The following LRP1B variants were observed in gnomAD, a reference collection of about 807,000 sequenced individuals.
The protein encoded by LRP1B is low-density lipoprotein receptor-related protein 1B.
A neutral mutation model predicts 556.6 loss-of-function variants in LRP1B; 217 were observed. The observed-to-expected ratio is 0.39, with a 90% confidence interval of 0.35 to 0.44. The LOEUF (loss-of-function observed/expected upper bound fraction) is 0.44, where lower values mean the gene tolerates loss of function less well. Among genes scored for constraint, LRP1B ranks in the 20% least tolerant of loss-of-function variants. The pLI, the probability that LRP1B is intolerant of heterozygous loss-of-function variation, is 1.00. For missense variants in LRP1B, 5,053 were observed against 5,620.8 expected (o/e 0.90, Z 3.23); for synonymous variants, 2,047 against 1,865.8 (o/e 1.10, Z -2.50).
At chr2:141,668,109 C>T (rs1690513362) in intron 2 of LRP1B, among the ~76,000 whole-genome samples, 2 of 152,192 alleles carry the variant, frequency 1.3e-5, no homozygotes, top group South Asian at 4.1e-4. Context: ...ATGGAAAAGA[C>T]AACTTAGCTC....
chr2:141,649,739 A>G (rs948170863), intron 2 of LRP1B, among the ~76,000 whole-genome samples: 3 of 152,204 alleles, frequency 2.0e-5, no homozygotes, highest in Non-Finnish European at 4.4e-5. Flanking sequence ...ACTTTTAAAA[A>G]TGATACCCTA....
At chr2:140,716,192 T>C (rs1422047615) in intron 36 of LRP1B, 90 bp from the exon 37 acceptor site, 2 of 938,120 alleles carry the variant, frequency 2.1e-6, no homozygotes, top group Admixed American at 2.4e-5. Flanking sequence ...AGCATTCACA[T>C]AACTATCAAG....
intron 2 of LRP1B, among the ~76,000 whole-genome samples, chr2:141,512,249 G>A (rs1288947294): frequency 2.0e-5 from 3 of 151,992 alleles, no homozygotes; most frequent in Non-Finnish European, 4.4e-5. Flanking sequence ...ACAACAGTTC[G>A]GGGGAGGTGA....
Position 140,234,813 on chromosome 2 carries a change from A to T in LRP1B, c.13632T>A (p.Ser4544=). The T allele has an allele frequency of 1.3e-6, 1 of 775,558 alleles. No homozygotes were observed. Among genetic ancestry groups the T allele is most frequent in the Non-Finnish European group, 2.4e-6 (1 of 414,732 alleles). The allele number at this position is 775,558 out of a possible 1,614,324, so 48.0% of individuals were successfully genotyped here. The part of the protein sequence containing the change: ...PHTAPPIYLN[S]DLKGPLTAGP... The stretch of plus-strand genomic sequence containing the variant: ...CAGCAGTTAGTGGTCCTTTCAAATC[A>T]GAGTTTAGGTAGATGGGCGGCGCTG... Residue 4544 remains serine (S), a synonymous_variant, in exon 90 of 91, where the codon TCT becomes TCA. Transcript: ENST00000389484.
At chr2:140,453,220 A>C (rs1686954602) in intron 62 of LRP1B, among the ~76,000 whole-genome samples, 1 of 151,906 alleles carries the variant, frequency 6.6e-6, no homozygotes, top group African/African-American at 2.4e-5. Context: ...GAACTGTTGG[A>C]ATTATATATG....
At chr2:141,352,836 T>A (rs1015615377) in intron 3 of LRP1B, among the ~76,000 whole-genome samples, 1 of 151,982 alleles carries the variant, frequency 6.6e-6, no homozygotes, top group African/African-American at 2.4e-5. Flanking sequence ...AACCACAATG[T>A]CTGATGCAGT....
intron 6 of LRP1B, among the ~76,000 whole-genome samples, chr2:141,210,380 C>G (rs1434976162): frequency 9.3e-6 from 1 of 107,640 alleles, no homozygotes. Context: ...AATTATTAGG[C>G]TACTTGCCAC....
intron 2 of LRP1B, among the ~76,000 whole-genome samples, chr2:141,587,063 C>T (rs1346259883): frequency 6.6e-6 from 1 of 151,800 alleles, no homozygotes; most frequent in East Asian, 1.9e-4. Context: ...ACTGACTCTG[C>T]AACATACACC....
chr2:141,965,317 T>G, intron 1 of LRP1B, among the ~76,000 whole-genome samples: 1 of 25,218 alleles, frequency 4.0e-5, no homozygotes, highest in Non-Finnish European at 7.6e-5. Context: ...TGCGGCATTA[T>G]TCACAATAGC....
At chr2:141,792,784 C>G (rs1695661487) in intron 2 of LRP1B, among the ~76,000 whole-genome samples, 1 of 151,868 alleles carries the variant, frequency 6.6e-6, no homozygotes, top group Non-Finnish European at 1.5e-5. Context: ...TAATGACATT[C>G]CACTTAGCTA....
chr2:141,884,471 G>T (rs1398843191), intron 1 of LRP1B, among the ~76,000 whole-genome samples: 1 of 152,110 alleles, frequency 6.6e-6, no homozygotes, highest in Non-Finnish European at 1.5e-5. Context: ...GACATATTAG[G>T]AAGTATTTAC....
intron 3 of LRP1B, among the ~76,000 whole-genome samples, chr2:141,470,888 T>A (rs1303624987): frequency 6.6e-6 from 1 of 152,206 alleles, no homozygotes; most frequent in Non-Finnish European, 1.5e-5. Flanking sequence ...CAAGGTAGTA[T>A]TTTAGTAGCT....
Position 141,097,358 on chromosome 2 carries a change from T to C in LRP1B, c.1014-35085A>G, listed in dbSNP as rs187638442. Among the ~76,000 whole-genome samples the C allele has an allele frequency of 1.2e-4, 18 of 152,292 alleles. No homozygotes were observed. The East Asian group carries it at 3.3e-3, about 28-fold the overall frequency. On this transcript the variant is annotated intron_variant, in intron 7 of 90. Transcript: ENST00000389484. ...TTTGAAGTTTCTCTAATACCTATCA[T>C]TTTCTCTACCAATTACCAAAAGCTT...
intron 35 of LRP1B, among the ~76,000 whole-genome samples, chr2:140,749,588 A>G (rs1461962127): frequency 6.6e-6 from 1 of 152,188 alleles, no homozygotes; most frequent in East Asian, 1.9e-4. Flanking sequence ...GATCATCAAT[A>G]TCACTGACTT....
chr2:140,895,502 A>C (rs1337787200), intron 23 of LRP1B, among the ~76,000 whole-genome samples: 2 of 138,408 alleles, frequency 1.4e-5, no homozygotes, highest in Non-Finnish European at 2.9e-5. Flanking sequence ...GCTTCAGGTC[A>C]CCTCACCGGC....
intron 1 of LRP1B, among the ~76,000 whole-genome samples, chr2:141,835,227 A>G (rs1697238300): frequency 6.6e-6 from 1 of 152,000 alleles, no homozygotes; most frequent in Non-Finnish European, 1.5e-5. Flanking sequence ...GGGTTGGTTG[A>G]CCTGTACTGA....
intron 3 of LRP1B, among the ~76,000 whole-genome samples, chr2:141,295,349 T>G (rs2105418012): frequency 6.6e-6 from 1 of 152,342 alleles, no homozygotes; most frequent in Non-Finnish European, 1.5e-5. Context: ...CATGTTTTCT[T>G]ATTTTGATTA....
chr2:142,115,392 A>C (rs1054132688), intron 1 of LRP1B, among the ~76,000 whole-genome samples: 2 of 144,508 alleles, frequency 1.4e-5, no homozygotes, highest in African/African-American at 2.6e-5. Flanking sequence ...TTGAGTGAGA[A>C]AATAAACAGT....
chr2:141,193,279 A>G (rs1015744995), intron 6 of LRP1B, among the ~76,000 whole-genome samples: 1 of 152,026 alleles, frequency 6.6e-6, no homozygotes, highest in Non-Finnish European at 1.5e-5. Context: ...AGACACAAGC[A>G]CTTGAATGTT....
Sources: allele counts gnomAD v4.1 joint callset (sites outside exome capture counted in the v4.1 genomes callset), GRCh38; gene constraint gnomAD v4.1.1; transcripts MANE v1.5; gene names NCBI Gene and HGNC (gene_info 2026-07-23, HGNC 2026-07-21).